Variants in AIFM1 observed in about 807,000 individuals in gnomAD.
AIFM1 encodes the protein apoptosis-inducing factor 1, mitochondrial.
In AIFM1, 3 loss-of-function variants were observed where a neutral mutation model predicts 51.7. That is an observed-to-expected ratio of 0.06 (90% CI 0.03 to 0.15). The LOEUF (loss-of-function observed/expected upper bound fraction) is 0.15. Among genes scored for constraint, AIFM1 ranks in the 10% least tolerant of loss-of-function variants. The pLI, the probability that AIFM1 is intolerant of heterozygous loss-of-function variation, is 1.00. For synonymous variants in AIFM1, 178 were observed against 179.4 expected (o/e 0.99, Z 0.06); for missense variants, 330 against 476.8 (o/e 0.69, Z 2.87).
Position 130,147,556 on chromosome X carries a change from A to C in AIFM1, c.542T>G (p.Phe181Cys). 1 of 1,212,212 alleles carries C rather than the reference A, an allele frequency of 8.2e-7. No homozygotes were observed. The highest frequency in any genetic ancestry group is 1.1e-6 in the Non-Finnish European group (1 of 895,608). ...CTTTGTGACATTTGGGTCATCTGAA[A>C]ACCACAGTTCTTTTGAAAGAGGAGG... ...MRPPLSKELW[F>C]SDDPNVTKTL... The change falls in exon 5 of 16, where the codon TTT (phenylalanine) becomes TGT (cysteine). Residue 181 changes from phenylalanine (F) to cysteine (C), a missense_variant. Coordinates refer to ENST00000287295, the MANE Select transcript of AIFM1 (RefSeq NM_004208.4).
intron 14 of AIFM1, among the ~76,000 whole-genome samples, chrX:130,130,620 T>A (rs147561272): frequency 1.8e-5 from 2 of 112,657 alleles, no homozygotes; most frequent in Non-Finnish European, 3.7e-5. Context: ...GTACTCACCA[T>A]GTTTCATGAG....
intron 6 of AIFM1, among the ~76,000 whole-genome samples, chrX:130,142,522 A>G (rs777110945): frequency 9.0e-6 from 1 of 111,685 alleles, no homozygotes; most frequent in South Asian, 3.8e-4. Context: ...GTCCCATCCA[A>G]TAGGTCCCAC....
chrX:130,156,413 A>T (rs747980923), intron 2 of AIFM1, 48 bp downstream of exon 2: 1 of 1,205,157 alleles, frequency 8.3e-7, no homozygotes, highest in South Asian at 1.8e-5. Context: ...GAGTCTATTA[A>T]TGGGAGCTGT....
chrX:130,141,274 G>A (rs1365804728), intron 6 of AIFM1, among the ~76,000 whole-genome samples: 1 of 111,865 alleles, frequency 8.9e-6, no homozygotes, highest in Non-Finnish European at 1.9e-5. Flanking sequence ...CACAGTTTCT[G>A]GTACCCAGTT....
intron 1 of AIFM1, among the ~76,000 whole-genome samples, chrX:130,163,271 C>T (rs1355257573): frequency 1.0e-5 from 1 of 99,341 alleles, no homozygotes; most frequent in African/African-American, 3.9e-5. Flanking sequence ...GATCGTGCCA[C>T]TGCACTCTGG....
At chrX:130,148,878 A>ATCTTT (rs2030852830) in intron 3 of AIFM1, among the ~76,000 whole-genome samples, 1 of 96,746 alleles carries the variant, frequency 1.0e-5, no homozygotes, top group African/African-American at 3.9e-5. Flanking sequence ...TCTCTTTTCC[A>ATCTTT]TCTTTTCCAA....
rs1326038976 is a variant in AIFM1 at position 130,165,652 on chromosome X, A to G, written c.5T>C (p.Phe2Ser). Residue 2 changes from phenylalanine to serine, a missense_variant, in exon 1 of 16, where the codon TTC becomes TCC. Phe to Ser is a radical substitution (Grantham distance 155). Around this residue, in one of 4 missense-constraint regions of AIFM1, gnomAD observed 110 missense variants for 103.1 expected, o/e 1.07. Transcript: ENST00000287295. ...ACCCGCCGCCAGGCCTCCACACCGG[A>G]ACATTTCGGCGACCGCTATTCGGGA... The part of the protein sequence containing the change: M[F>S]RCGGLAAGAL... 8.4e-7 allele frequency: 1 copy of G among 1,194,204 alleles called. No individual in the cohort carries two copies. The highest frequency in any genetic ancestry group is 1.1e-6 in the Non-Finnish European group (1 of 885,215).
intron 13 of AIFM1, 106 bp downstream of exon 13, chrX:130,133,207 G>A: frequency 9.5e-7 from 1 of 1,049,583 alleles, no homozygotes; most frequent in African/African-American, 1.8e-5. Context: ...TTTCCCTTCT[G>A]TATGAAGCTA....
chrX:130,135,428 C>CTTTT (rs1556260138), intron 12 of AIFM1, among the ~76,000 whole-genome samples: 1 of 54,687 alleles, frequency 1.8e-5, no homozygotes, highest in African/African-American at 5.9e-5. Context: ...TCCAGTACAT[C>CTTTT]TTTTTTTTTT....
intron 4 of AIFM1, 36 bp from the exon 5 acceptor site, chrX:130,147,659 A>G (rs1192809503): frequency 8.3e-7 from 1 of 1,211,896 alleles, no homozygotes; most frequent in Non-Finnish European, 1.1e-6. Context: ...TATCAGAGCC[A>G]AGTCATTTAA....
At position 130,133,304 on chromosome X, in the gene AIFM1, C is replaced by A; in HGVS notation, c.1448+9G>T. 1 of 1,210,598 alleles carries A rather than the reference C, an allele frequency of 8.3e-7. No individual in the cohort carries two copies. Among genetic ancestry groups the A allele is most frequent in the Non-Finnish European group, 1.1e-6 (1 of 895,134 alleles). On this transcript the variant is annotated intron_variant, in intron 13 of 15. Transcript: ENST00000287295. ...AATCAGTTGGGTCTCCAAGGCACAC[C>A]ACTATTACCAGAACATTGACTGATG...
rs1242612392 is a variant in AIFM1, at chrX:130,159,147, T to C, written c.107-2544A>G. Among the ~76,000 whole-genome samples the C allele has an allele frequency of 4.5e-5, 5 of 112,016 alleles. No homozygotes were observed. In the Admixed American group the frequency reaches 4.8e-4, roughly 11 times the overall value. On this transcript the variant is annotated intron_variant, in intron 1 of 15. Transcript: ENST00000287295. Reference sequence around the variant, plus strand: ...ACGCTAAGTGATATTTTAAAAAGATTATAAAGTAGCCTCTCTCCAGTTCAG... The same window carrying C: ...ACGCTAAGTGATATTTTAAAAAGATCATAAAGTAGCCTCTCTCCAGTTCAG...
At chrX:130,164,514 T>C (rs145904504) in intron 1 of AIFM1, among the ~76,000 whole-genome samples, 258 of 112,429 alleles carry the variant, frequency 2.3e-3, no homozygotes, top group African/African-American at 8.0e-3. Context: ...ACATTGCAAA[T>C]GCCCTAGGGG....
At chrX:130,155,393 T>C (rs2031131901) in intron 2 of AIFM1, 1 of 999,872 alleles carries the variant, frequency 1.0e-6, no homozygotes, top group Admixed American at 2.5e-5. Flanking sequence ...GGTTACCCTG[T>C]GCTAAAAAAG....
At position 130,139,846 on chromosome X, in the gene AIFM1, G is replaced by A; in HGVS notation, c.807C>T (p.Ala269=). Residue 269 remains alanine, a synonymous_variant, in exon 8 of 16, where the codon GCC becomes GCT. Coordinates refer to ENST00000287295, the MANE Select transcript of AIFM1 (RefSeq NM_004208.4). ...TCACCTCTGCTCCAGCCCTATCAAT[G>A]GCAGACAGACTTCTTGGAGTACCTC... ...ATGGTPRSLS[A]IDRAGAEVKS... 1 of 1,210,942 alleles carries A rather than the reference G, an allele frequency of 8.3e-7. No homozygotes were observed. The highest frequency in any genetic ancestry group is 1.1e-6 in the Non-Finnish European group (1 of 894,805).
chrX:130,146,215 A>C (rs1225366739), intron 5 of AIFM1, among the ~76,000 whole-genome samples: 1 of 111,579 alleles, frequency 9.0e-6, no homozygotes, highest in Non-Finnish European at 1.9e-5. Flanking sequence ...AGTTGGGAGG[A>C]TCACTTGAGG....
At position 130,139,113 on chromosome X, in the gene AIFM1, C is replaced by A. The variant is rs1453364318; in HGVS notation, c.859-412G>T. ...CTGACAAGCCTTGTTCTAGGAAGAA[C>A]TTAAAAGACAGTACACAGCCTGGCC... is the stretch of plus-strand genomic sequence containing the variant. On this transcript the variant is annotated intron_variant, in intron 8 of 15. Transcript: ENST00000287295. Among the ~76,000 whole-genome samples, 5 of 109,633 alleles carry A rather than the reference C, an allele frequency of 4.6e-5. No homozygotes were observed. The Admixed American group carries it at 4.9e-4, about 11-fold the overall frequency.
At chrX:130,144,311 T>C (rs2030678795) in intron 6 of AIFM1, among the ~76,000 whole-genome samples, 3 of 111,268 alleles carry the variant, frequency 2.7e-5, no homozygotes, top group Admixed American at 9.6e-5. Flanking sequence ...CGGCCAATGG[T>C]GATTATTTAA....
intron 2 of AIFM1, chrX:130,155,433 G>A (rs1419368427): frequency 3.2e-6 from 2 of 620,469 alleles, no homozygotes; most frequent in South Asian, 5.4e-5. Flanking sequence ...CTCCAGGATT[G>A]CAGAATGTGT....
Sources: gnomAD v4.1 joint callset for allele counts (sites outside exome capture counted in the v4.1 genomes callset) on GRCh38, gnomAD v4.1.1 for gene constraint, gnomAD v4.1.1 regional missense constraint, MANE v1.5 for transcripts, NCBI Gene and HGNC (gene_info 2026-07-23, HGNC 2026-07-21) for gene names.